Variants in NOX4 observed in about 807,000 individuals in gnomAD.
NOX4 encodes kidney oxidase-1.
In NOX4, 69 loss-of-function variants were observed where a neutral mutation model predicts 87.6. The observed-to-expected ratio is 0.79, with a 90% CI of 0.65 to 0.96. The LOEUF (loss-of-function observed/expected upper bound fraction) is 0.96, where lower values mean the gene tolerates loss of function less well. Among genes scored for constraint, NOX4 ranks in the 40% least tolerant of loss-of-function variants. NOX4 has a pLI of 0.00. For synonymous variants in NOX4, 275 were observed against 238.2 expected (o/e 1.15, Z -1.42); for missense variants, 680 against 681.5 (o/e 1.00, Z 0.02).
At chr11:89,371,829 T>G (rs980772836) in intron 12 of NOX4, among the ~76,000 whole-genome samples, 1 of 151,926 alleles carries the variant, frequency 6.6e-6, no homozygotes, top group Non-Finnish European at 1.5e-5. Flanking sequence ...TAAGCCTGGT[T>G]TTTCATGACT....
In NOX4 at chr11:89,361,696, G is replaced by A. The variant is rs529340126; in HGVS notation, c.1136-6653C>T. ...AAAGGGAGTGGGGCCACATGTCTTT[G>A]TTTGACTGAGACTATTCTGGTTTAT... On this transcript the variant is annotated intron_variant, in intron 12 of 17. Transcript: ENST00000263317. Among the ~76,000 whole-genome samples, 6 of 152,226 alleles carry A rather than the reference G, an allele frequency of 3.9e-5. No individual in the cohort carries two copies. In the East Asian group the frequency reaches 1.2e-3, roughly 29 times the overall value.
At chr11:89,507,829 AC>A in the NOX4 span, among the ~76,000 whole-genome samples, 1 of 151,952 alleles carries the variant, frequency 6.6e-6, no homozygotes, top group African/African-American at 2.4e-5. Context: ...ACTATTTACC[AC>A]CAAGAATAGC....
the NOX4 span, among the ~76,000 whole-genome samples, chr11:89,504,132 G>A: frequency 3.3e-5 from 5 of 151,750 alleles, no homozygotes; most frequent in African/African-American, 1.2e-4. Context: ...AGCCAGACAA[G>A]GAGGAGTGGT....
the NOX4 span, among the ~76,000 whole-genome samples, chr11:89,509,932 C>T: frequency 6.6e-6 from 1 of 151,908 alleles, no homozygotes. Context: ...TATTGCAAGA[C>T]AAAGAAATGA....
the NOX4 span, among the ~76,000 whole-genome samples, chr11:89,517,028 ATG>A: frequency 6.6e-6 from 1 of 151,674 alleles, no homozygotes; most frequent in African/African-American, 2.4e-5. Context: ...GTTTTCTAAG[ATG>A]TTGAATAATT....
At chr11:89,459,273 A>G (rs1326620753) in intron 2 of NOX4, among the ~76,000 whole-genome samples, 1 of 152,100 alleles carries the variant, frequency 6.6e-6, no homozygotes, top group African/African-American at 2.4e-5. Flanking sequence ...AAAGAATGGA[A>G]CAACAGACAC....
At chr11:89,497,243 A>G (rs371947801) in intron 1 of NOX4, among the ~76,000 whole-genome samples, 2 of 152,222 alleles carry the variant, frequency 1.3e-5, no homozygotes, top group South Asian at 2.1e-4. Flanking sequence ...TTTCCTGAAC[A>G]CATCTATTAA....
intron 7 of NOX4, among the ~76,000 whole-genome samples, chr11:89,422,648 C>T (rs1310019816): frequency 6.6e-6 from 1 of 152,090 alleles, no homozygotes; most frequent in Non-Finnish European, 1.5e-5. Flanking sequence ...TTTACAAAAG[C>T]TTCCTAGATG....
chr11:89,468,370 A>G (rs906115468), intron 2 of NOX4, among the ~76,000 whole-genome samples: 10 of 152,238 alleles, frequency 6.6e-5, no homozygotes, highest in African/African-American at 1.7e-4. Context: ...AATTGTTGAT[A>G]TAATTTTAAG....
At chr11:89,491,727 T>TACACACACACACACAC (rs66820323), upstream of NOX4, among the ~76,000 whole-genome samples, 82 of 140,740 alleles carry the variant, frequency 5.8e-4, 1 homozygote, top group African/African-American at 2.2e-3. Context: ...CGCCCCCTTG[T>TACACACACACACACAC]ACACACACAC....
the NOX4 span, chr11:89,576,780 T>C: frequency 1.3e-5 from 2 of 152,160 alleles, no homozygotes; most frequent in African/African-American, 2.4e-5. Context: ...GTAAGAATTT[T>C]TTTTTAGTTT....
chr11:89,430,318 C>A (rs963982017), intron 7 of NOX4, among the ~76,000 whole-genome samples: 5 of 152,068 alleles, frequency 3.3e-5, no homozygotes, highest in African/African-American at 7.2e-5. Flanking sequence ...CTCTCTCACC[C>A]CTCCTATTCA....
chr11:89,585,900 T>C, the NOX4 span, among the ~76,000 whole-genome samples: 1 of 152,208 alleles, frequency 6.6e-6, no homozygotes, highest in South Asian at 2.1e-4. Flanking sequence ...ATCTACTATC[T>C]GAAATTTCTA....
intron 8 of NOX4, among the ~76,000 whole-genome samples, chr11:89,413,547 T>C (rs899879578): frequency 5.9e-5 from 9 of 152,090 alleles, no homozygotes; most frequent in Non-Finnish European, 1.2e-4. Flanking sequence ...ACTGAGGTCA[T>C]TGTGTTAAGT....
At chr11:89,456,842 T>C (rs897405609) in intron 2 of NOX4, among the ~76,000 whole-genome samples, 3 of 151,976 alleles carry the variant, frequency 2.0e-5, no homozygotes, top group Admixed American at 6.6e-5. Context: ...CCCCAAAGAC[T>C]CTCCATGGCC....
chr11:89,463,574 T>C (rs867471995), intron 2 of NOX4, among the ~76,000 whole-genome samples: 1 of 152,036 alleles, frequency 6.6e-6, no homozygotes, highest in African/African-American at 2.4e-5. Context: ...CCAACTTAAC[T>C]GTTGGCAAAA....
rs1565158757 is a variant in NOX4 at position 89,325,115 on chromosome 11, C to CCTTTTTT, written c.*1640_*1641insAAAAAAG. The CCTTTTTT allele has an allele frequency of 6.6e-5, 5 of 76,332 alleles. No homozygotes were observed. Among genetic ancestry groups the CCTTTTTT allele is most frequent in the Non-Finnish European group, 9.5e-5 (4 of 42,162 alleles). The allele number at this position is 76,332 out of a possible 1,614,324, so 4.7% of individuals were successfully genotyped here. On this transcript the variant is annotated 3_prime_UTR_variant, in exon 18 of 18. Coordinates refer to ENST00000263317, the MANE Select transcript of NOX4 (RefSeq NM_016931.5). ...ACTAAACTGTATGAATGCTTTAATT[C>CCTTTTTT]TTTTTTTTTTTTTTTTTTTTTTTTT... is the stretch of plus-strand genomic sequence containing the variant.
chr11:89,354,557 G>C (rs1047389717), intron 13 of NOX4, among the ~76,000 whole-genome samples: 8 of 152,072 alleles, frequency 5.3e-5, no homozygotes, highest in African/African-American at 1.9e-4. Context: ...ATCATATCTA[G>C]CCCACGGCTA....
At chr11:89,469,864 C>A (rs767585351) in intron 2 of NOX4, among the ~76,000 whole-genome samples, 4 of 151,994 alleles carry the variant, frequency 2.6e-5, no homozygotes, top group Non-Finnish European at 5.9e-5. Context: ...ACCTGATGGG[C>A]TATTTTAAAA....
Sources: gnomAD v4.1 joint callset for allele counts (sites outside exome capture counted in the v4.1 genomes callset) on GRCh38, gnomAD v4.1.1 for gene constraint, MANE v1.5 for transcripts, NCBI Gene and HGNC (gene_info 2026-07-23, HGNC 2026-07-21) for gene names.